Variants in KANSL3 observed in about 807,000 individuals in gnomAD.
The protein encoded by KANSL3 is KAT8 regulatory NSL complex subunit 3, also known as NSL complex protein NSL3.
Under a neutral mutation model 89.2 loss-of-function variants are expected in KANSL3, and 16 were observed. The ratio of observed to expected loss-of-function variants is 0.18; its 90% confidence interval spans 0.12 to 0.27. KANSL3 has a LOEUF of 0.27. KANSL3 is among the 10% of genes least tolerant of loss of function. The pLI, the probability that KANSL3 is intolerant of heterozygous loss-of-function variation, is 1.00. For missense variants in KANSL3, 879 were observed against 1,110.6 expected (o/e 0.79, Z 2.96); for synonymous variants, 385 against 419.7 (o/e 0.92, Z 1.01).
the KANSL3 span, among the ~76,000 whole-genome samples, chr2:96,585,851 G>A: frequency 6.6e-6 from 1 of 152,204 alleles, no homozygotes; most frequent in Non-Finnish European, 1.5e-5. Flanking sequence ...TTTAAGTGAA[G>A]TAACTCAGGA....
intron 5 of KANSL3, among the ~76,000 whole-genome samples, chr2:96,613,919 G>GT (rs1002394867): frequency 7.9e-5 from 12 of 151,900 alleles, no homozygotes; most frequent in Non-Finnish European, 1.8e-4. Context: ...CAAAGAAAAC[G>GT]TATCAGAAAC....
Position 96,612,303 on chromosome 2 carries a change from T to C in KANSL3, c.1065A>G (p.Thr355=). The stretch of plus-strand genomic sequence containing the variant: ...TTACATGACAGGCCACCAAAGCTCC[T>C]GTGTTCCAGCCAATCAAGATAATGG... ...HKPIILIGWN[T]GALVACHVSV... Residue 355 remains threonine, a synonymous_variant, in exon 9 of 21, where the codon ACA becomes ACG. Transcript: ENST00000431828. 1 of 1,613,550 alleles carries C rather than the reference T, an allele frequency of 6.2e-7. No homozygotes were observed. The highest frequency in any genetic ancestry group is 8.5e-7 in the Non-Finnish European group (1 of 1,179,490).
intron 20 of KANSL3, among the ~76,000 whole-genome samples, chr2:96,597,371 A>C (rs1176243761): frequency 1.3e-5 from 2 of 152,132 alleles, no homozygotes; most frequent in East Asian, 3.9e-4. Flanking sequence ...TCCTCTCTAA[A>C]CCAGGTAAGA....
intron 14 of KANSL3, 130 bp downstream of exon 14, chr2:96,608,378 C>A: frequency 1.1e-6 from 1 of 894,466 alleles, no homozygotes; most frequent in African/African-American, 1.7e-5. Context: ...TTTGCCTGCA[C>A]AGAAATGTGA....
chr2:96,598,894 G>C (rs947115858), intron 20 of KANSL3, among the ~76,000 whole-genome samples: 3 of 103,240 alleles, frequency 2.9e-5, no homozygotes, highest in African/African-American at 8.1e-5. Context: ...TGGGTGACAA[G>C]AGTGAGACTG....
chr2:96,628,306 C>A (rs1375746634), intron 3 of KANSL3: 4 of 937,162 alleles, frequency 4.3e-6, no homozygotes, highest in Non-Finnish European at 5.1e-6. Context: ...GACACTCTGG[C>A]CAGGCCACCC....
At chr2:96,626,756 A>G (rs1240815083) in intron 3 of KANSL3, among the ~76,000 whole-genome samples, 1 of 152,226 alleles carries the variant, frequency 6.6e-6, no homozygotes, top group Admixed American at 6.5e-5. Flanking sequence ...GCCAGCAAAT[A>G]GAAATCATTT....
chr2:96,598,520 AAAG>A (rs768602156), intron 20 of KANSL3, among the ~76,000 whole-genome samples: 1 of 152,236 alleles, frequency 6.6e-6, no homozygotes, highest in Non-Finnish European at 1.5e-5. Flanking sequence ...TGTATAATAA[AAAG>A]AATAGGACAC....
intron 3 of KANSL3, 67 bp from the exon 4 acceptor site, chr2:96,619,829 T>A: frequency 8.3e-7 from 1 of 1,208,248 alleles, no homozygotes; most frequent in Non-Finnish European, 1.2e-6. Flanking sequence ...GTACACCATA[T>A]AAAGAAGATT....
chr2:96,607,216 T>A (rs186847376), intron 14 of KANSL3, among the ~76,000 whole-genome samples: 1 of 152,194 alleles, frequency 6.6e-6, no homozygotes, highest in Non-Finnish European at 1.5e-5. Context: ...CATCTAAAAC[T>A]GAATAGTACT....
chr2:96,580,659 C>A, the KANSL3 span, among the ~76,000 whole-genome samples: 4 of 152,144 alleles, frequency 2.6e-5, no homozygotes, highest in African/African-American at 7.2e-5. Flanking sequence ...ATTCATTATA[C>A]TGTATAGTTT....
Position 96,602,802 on chromosome 2 carries a change from C to A in KANSL3, c.2210G>T (p.Ser737Ile). ...GLSFSLQDIS[S>I]KTSGLPANPS... is the part of the protein sequence containing the mutation. ...ATTTGCTGGAAGGCCAGAGGTCTTG[C>A]TGCTGATATCCTGCAAGCTGAAGCT... The change falls in exon 18 of 21, where the codon AGC becomes ATC. Residue 737 changes from serine (S) to isoleucine (I), a missense_variant. Physicochemically the swap from Ser to Ile is moderately radical, Grantham distance 142. Around this residue, in one of 6 missense-constraint regions of KANSL3, gnomAD observed 89 missense variants for 139.7 expected, o/e 0.64. Transcript: ENST00000431828. The A allele has an allele frequency of 6.2e-7, 1 of 1,612,206 alleles. No homozygotes were observed.
rs778213317 is a variant in KANSL3, at chr2:96,601,705, T to C, written c.2554A>G (p.Met852Val). Residue 852 changes from methionine to valine, a missense_variant, in exon 20 of 21, where the codon ATG (methionine) becomes GTG (valine). Met to Val is a conservative substitution (Grantham distance 21, BLOSUM62 1). Around this residue, in one of 6 missense-constraint regions of KANSL3, gnomAD observed 61 missense variants for 61.7 expected, o/e 0.99. Coordinates refer to ENST00000431828, the MANE Select transcript of KANSL3 (RefSeq NM_001115016.3). ...TCGGATGGGGCTGCTCCTGAGCCCATAGGGCTCAGTGTAGTGATCCTGCTC... is the reference window on the plus strand; with the variant it reads ...TCGGATGGGGCTGCTCCTGAGCCCACAGGGCTCAGTGTAGTGATCCTGCTC... ...QPSRITTLSP[M>V]GSGAAPSEES... 4.0e-5 allele frequency: 64 copies of C among 1,612,800 alleles called. No homozygotes were observed. Among genetic ancestry groups the C allele is most frequent in the South Asian group, 1.2e-4 (11 of 90,914 alleles).
At chr2:96,584,909 C>T in the KANSL3 span, among the ~76,000 whole-genome samples, 4 of 152,196 alleles carry the variant, frequency 2.6e-5, no homozygotes, top group Non-Finnish European at 5.9e-5. Flanking sequence ...TGTCCTAACA[C>T]TTAAATTCCA....
chr2:96,624,294 G>C (rs2071878458), intron 3 of KANSL3, among the ~76,000 whole-genome samples: 1 of 152,184 alleles, frequency 6.6e-6, no homozygotes, highest in Non-Finnish European at 1.5e-5. Flanking sequence ...TTGAGAATTT[G>C]ATGGTGGTAG....
intron 5 of KANSL3, among the ~76,000 whole-genome samples, chr2:96,619,035 C>T (rs1160999855): frequency 6.6e-6 from 1 of 152,236 alleles, no homozygotes; most frequent in East Asian, 1.9e-4. Flanking sequence ...TCTCAACAAA[C>T]TCTTCCCTGG....
At chr2:96,602,907 C>T in intron 17 of KANSL3, 45 bp from the exon 18 acceptor site, 1 of 1,575,618 alleles carries the variant, frequency 6.3e-7, no homozygotes, top group Non-Finnish European at 8.7e-7. Context: ...CAATCACTTG[C>T]ACTATCCCGA....
intron 2 of KANSL3, among the ~76,000 whole-genome samples, chr2:96,636,013 C>T (rs1174416735): frequency 2.0e-5 from 3 of 150,994 alleles, no homozygotes; most frequent in South Asian, 2.1e-4. Context: ...AAAAACCACA[C>T]ACACACATTG....
the KANSL3 span, among the ~76,000 whole-genome samples, chr2:96,583,169 C>T: frequency 6.6e-6 from 1 of 152,214 alleles, no homozygotes. Context: ...CACTGTTTTA[C>T]TCTATCTAAG....
Sources: gnomAD v4.1 joint callset for allele counts (sites outside exome capture counted in the v4.1 genomes callset) on GRCh38, gnomAD v4.1.1 for gene constraint, gnomAD v4.1.1 regional missense constraint, MANE v1.5 for transcripts, NCBI Gene and HGNC (gene_info 2026-07-23, HGNC 2026-07-21) for gene names.